BAZ2B: variants seen among roughly 807,000 people sequenced by gnomAD.
BAZ2B encodes bromodomain adjacent to zinc finger domain protein 2B.
A neutral mutation model predicts 246.0 loss-of-function variants in BAZ2B; 91 were observed. That is an observed-to-expected ratio of 0.37 (90% confidence interval 0.31 to 0.44). The LOEUF (loss-of-function observed/expected upper bound fraction) is 0.44. BAZ2B is among the 20% of genes least tolerant of loss of function. The pLI is 1.00. For missense variants in BAZ2B, 2,332 were observed against 2,533.7 expected, an observed-to-expected ratio of 0.92 and a Z score of 1.71; for synonymous variants, 855 against 860.0, an observed-to-expected ratio of 0.99 and a Z score of 0.10.
chr2:159,350,758 A>C (rs1263519452), intron 27 of BAZ2B, among the ~76,000 whole-genome samples: 4 of 152,196 alleles, frequency 2.6e-5, no homozygotes, highest in Admixed American at 2.6e-4. Context: ...TTTTTAGTAG[A>C]AACAGGGTTT....
chr2:159,683,595 T>C, the BAZ2B span, among the ~76,000 whole-genome samples: 323 of 152,212 alleles, frequency 2.1e-3, 1 homozygote, highest in Non-Finnish European at 3.7e-3. Flanking sequence ...AACACAAACA[T>C]AGTTCCTCAT....
intron 3 of BAZ2B, among the ~76,000 whole-genome samples, chr2:159,454,262 C>G (rs1299487060): frequency 6.6e-6 from 1 of 152,172 alleles, no homozygotes; most frequent in Admixed American, 6.5e-5. Context: ...TAAGCAAGGC[C>G]ATCCCAGTTT....
chr2:159,593,813 C>T (rs1393579696), intron 1 of BAZ2B, among the ~76,000 whole-genome samples: 1 of 152,160 alleles, frequency 6.6e-6, no homozygotes, highest in East Asian at 1.9e-4. Context: ...GAACGTATCT[C>T]CTCGGGGACA....
At chr2:159,345,205 T>G (rs2067567408) in intron 31 of BAZ2B, among the ~76,000 whole-genome samples, 1 of 132,798 alleles carries the variant, frequency 7.5e-6, no homozygotes, top group Non-Finnish European at 1.6e-5. Flanking sequence ...AAGTGAAACT[T>G]GGTCTCAAAA....
chr2:159,658,333 G>GA, the BAZ2B span, among the ~76,000 whole-genome samples: 16 of 151,446 alleles, frequency 1.1e-4, no homozygotes, highest in South Asian at 6.3e-4. Context: ...ATATTTAGTA[G>GA]AAAAAAAACA....
chr2:159,495,604 T>C (rs13003356), intron 2 of BAZ2B, among the ~76,000 whole-genome samples: 11,496 of 151,306 alleles, frequency 0.076, 618 homozygotes, highest in Middle Eastern at 0.14. Flanking sequence ...GTTTTTATAA[T>C]ATATAGGACA....
At chr2:159,510,692 G>A (rs558608882) in intron 2 of BAZ2B, among the ~76,000 whole-genome samples, 1 of 152,228 alleles carries the variant, frequency 6.6e-6, no homozygotes, top group Admixed American at 6.5e-5. Flanking sequence ...CTTTAAATGG[G>A]TGAACTGTAT....
chr2:159,445,222 C>G (rs1289412084), intron 6 of BAZ2B, among the ~76,000 whole-genome samples: 2 of 152,046 alleles, frequency 1.3e-5, no homozygotes, highest in Non-Finnish European at 1.5e-5. Flanking sequence ...CCAACAAGAT[C>G]TACTCAGGAG....
intron 8 of BAZ2B, chr2:159,434,107 A>G (rs955373268): frequency 6.6e-6 from 1 of 152,164 alleles, no homozygotes; most frequent in African/African-American, 2.4e-5. Context: ...CTGAATGTGT[A>G]TAGCATTCGC....
chr2:159,462,111 A>G (rs1577315192), intron 3 of BAZ2B: 2 of 263,352 alleles, frequency 7.6e-6, no homozygotes, highest in East Asian at 2.1e-4. Flanking sequence ...TTTAAACAGT[A>G]AAATGTCTCT....
intron 2 of BAZ2B, among the ~76,000 whole-genome samples, chr2:159,533,353 T>C (rs2085572287): frequency 6.6e-6 from 1 of 152,162 alleles, no homozygotes; most frequent in Middle Eastern, 3.2e-3. Flanking sequence ...AAAAGAACAC[T>C]GGACTAGGAA....
Position 159,470,335 on chromosome 2 carries a change from C to T in BAZ2B, c.145+8240G>A, listed in dbSNP as rs1323258946. 2.0e-5 allele frequency among the ~76,000 whole-genome samples: 3 copies of T among 152,182 alleles called. No individual in the cohort carries two copies. The East Asian group carries it at 5.8e-4, about 29-fold the overall frequency. ...AGGGATGGAGGGAGGAATTTAACTT[C>T]AAAAAGATACAAGGCAACTTCCTGG... On this transcript the variant is annotated intron_variant, in intron 3 of 36. Transcript: ENST00000392783.
At chr2:159,349,666 C>T in intron 28 of BAZ2B, 42 bp downstream of exon 28, 2 of 1,533,604 alleles carry the variant, frequency 1.3e-6, no homozygotes, top group Middle Eastern at 1.8e-4. Context: ...TCAAAGATTA[C>T]ATAAAGCAAT....
At chr2:159,518,386 T>C (rs1200941114) in intron 2 of BAZ2B, among the ~76,000 whole-genome samples, 2 of 152,216 alleles carry the variant, frequency 1.3e-5, no homozygotes, top group African/African-American at 4.8e-5. Context: ...ATTTCAGCCC[T>C]ACTTATCCTC....
chr2:159,385,087 T>C, intron 23 of BAZ2B, 68 bp downstream of exon 23: 1 of 1,458,482 alleles, frequency 6.9e-7, no homozygotes, highest in South Asian at 1.2e-5. Flanking sequence ...TATAATCAAT[T>C]TGTATTACTT....
chr2:159,603,906 A>G (rs1055513228), intron 1 of BAZ2B, among the ~76,000 whole-genome samples: 1 of 152,206 alleles, frequency 6.6e-6, no homozygotes, highest in Non-Finnish European at 1.5e-5. Context: ...CTGCTGTTTC[A>G]TTAATGAACA....
Position 159,350,034 on chromosome 2 carries a change from A to G in BAZ2B, c.4537T>C (p.Ser1513Pro), listed in dbSNP as rs2058387141. The change falls in exon 28 of 37, where the codon TCA becomes CCA. Residue 1513 changes from serine (S) to proline (P), a missense_variant. This residue lies in a region of BAZ2B where 676 missense variants were observed against 668.6 expected (regional missense o/e 1.01). Coordinates refer to ENST00000392783, the MANE Select transcript of BAZ2B (RefSeq NM_013450.4). ...SGKHSLGSVQ[S>P]TATQSNVEKA... ...TCCACATTGCTTTGCGTTGCTGTTGACTGAACGCTGCCCAGTGAATGTTTT... is the reference window on the plus strand; with the variant it reads ...TCCACATTGCTTTGCGTTGCTGTTGGCTGAACGCTGCCCAGTGAATGTTTT... 2 of 1,614,042 alleles carry G rather than the reference A, an allele frequency of 1.2e-6. No homozygotes were observed. The highest frequency in any genetic ancestry group is 2.2e-5 in the South Asian group (2 of 91,082).
chr2:159,696,931 T>C, the BAZ2B span, among the ~76,000 whole-genome samples: 131,427 of 152,178 alleles, frequency 0.86, 56,973 homozygotes, highest in Middle Eastern at 0.95. Context: ...CGACTACAGG[T>C]GCGTGCCACC....
chr2:159,318,539 T>C (rs1200561863), downstream of BAZ2B, among the ~76,000 whole-genome samples: 9 of 152,352 alleles, frequency 5.9e-5, no homozygotes, highest in East Asian at 1.4e-3. Context: ...AGGCAAGGCC[T>C]GTCTTGTACG....
Sources: gnomAD v4.1 joint callset for allele counts (sites outside exome capture counted in the v4.1 genomes callset) on GRCh38, gnomAD v4.1.1 for gene constraint, gnomAD v4.1.1 regional missense constraint, MANE v1.5 for transcripts, NCBI Gene and HGNC (gene_info 2026-07-23, HGNC 2026-07-21) for gene names.